Variants in ALPL observed in about 807,000 individuals in gnomAD.
ALPL encodes alkaline phosphatase, biomineralization associated.
ALPL carries 42 observed loss-of-function variants against 51.3 expected under a neutral mutation model. The ratio of observed to expected loss-of-function variants is 0.82; its 90% CI spans 0.64 to 1.06. The LOEUF is 1.06. ALPL is among the 50% of genes least tolerant of loss of function. The probability of loss-of-function intolerance (pLI) is 0.00; values close to 1 mark genes in which losing one functional copy is unlikely to be tolerated. For missense variants in ALPL, 589 were observed against 709.4 expected (o/e 0.83, Z 1.93); for synonymous variants, 279 against 296.4 (o/e 0.94, Z 0.60).
intron 1 of ALPL, among the ~76,000 whole-genome samples, chr1:21,530,777 A>AT (rs71016918): frequency 0.06 from 6,746 of 111,858 alleles, 395 homozygotes; most frequent in African/African-American, 0.12. Context: ...CAAGCTTTGA[A>AT]TTTTTTTTTT....
At chr1:21,551,719 G>GTTT (rs397861981) in intron 1 of ALPL, among the ~76,000 whole-genome samples, 754 of 61,424 alleles carry the variant, frequency 0.012, 165 homozygotes, top group African/African-American at 0.032. Flanking sequence ...AGCTTGCGTG[G>GTTT]TTTTTTTTTT....
intron 1 of ALPL, among the ~76,000 whole-genome samples, chr1:21,545,877 A>G (rs368341261): frequency 1.3e-5 from 2 of 152,006 alleles, no homozygotes; most frequent in African/African-American, 4.8e-5. Flanking sequence ...GTACAGTGGC[A>G]CGATCTCAGC....
chr1:21,520,618 C>T (rs138293109), intron 1 of ALPL, among the ~76,000 whole-genome samples: 8,150 of 151,954 alleles, frequency 0.054, 294 homozygotes, highest in Non-Finnish European at 0.083. Flanking sequence ...TGTGCCACCA[C>T]GCCCGGCTAA....
chr1:21,562,626 C>T (rs1317567670), intron 4 of ALPL, among the ~76,000 whole-genome samples: 8 of 152,048 alleles, frequency 5.3e-5, no homozygotes, highest in Non-Finnish European at 1.0e-4. Context: ...TGATGGTGGC[C>T]GCAGGGCAGG....
At chr1:21,577,178 G>C (rs1204070916) in intron 11 of ALPL, among the ~76,000 whole-genome samples, 2 of 152,184 alleles carry the variant, frequency 1.3e-5, no homozygotes, top group Admixed American at 1.3e-4. Flanking sequence ...CTCTGTTGGG[G>C]GTTGAGAATG....
intron 1 of ALPL, among the ~76,000 whole-genome samples, chr1:21,534,893 C>G (rs1212669002): frequency 6.6e-6 from 1 of 152,140 alleles, no homozygotes; most frequent in East Asian, 1.9e-4. Context: ...CTTGGTGAGA[C>G]CTTCTCTGAT....
rs1644469640 is a variant in ALPL at position 21,560,645 on chromosome 1, G to C, written c.81G>C (p.Lys27Asn). Residue 27 changes from lysine (K) to asparagine (N), a missense_variant, in exon 3 of 12, where the codon AAG (lysine) becomes AAC (asparagine). By Grantham distance (94) the Lys-to-Asn change is moderately conservative. Transcript: ENST00000374840. ...SLVPEKEKDP[K>N]YWRDQAQETL... ...GTTTAGAGAAAGAGAAAGACCCCAAGTACTGGCGAGACCAAGCGCAAGAGA... is the reference window on the plus strand; with the variant it reads ...GTTTAGAGAAAGAGAAAGACCCCAACTACTGGCGAGACCAAGCGCAAGAGA... 3 of 1,614,038 alleles carry C rather than the reference G, an allele frequency of 1.9e-6. No individual in the cohort carries two copies. The African/African-American group carries it at 4.0e-5, about 22-fold the overall frequency.
chr1:21,530,514 C>T lies in ALPL; in HGVS notation c.-105+20997C>T, dbSNP rs111874326. Among the ~76,000 whole-genome samples, 1,022 of 152,290 alleles carry T rather than the reference C, an allele frequency of 6.7e-3. 11 individuals carry two copies. Among genetic ancestry groups the T allele is most frequent in the African/African-American group, 0.023 (953 of 41,554 alleles). ...GACGACATTGCCAGGACGGGAATCC[C>T]TGGACATCAGAACCACTTGGTTTCT... On this transcript the variant is annotated intron_variant, in intron 1 of 11. Transcript: ENST00000374840.
chr1:21,529,729 T>C (rs1481372128), intron 1 of ALPL, among the ~76,000 whole-genome samples: 1 of 152,188 alleles, frequency 6.6e-6, no homozygotes, highest in Non-Finnish European at 1.5e-5. Context: ...TGCTCATTTC[T>C]TTTGCATGTT....
At chr1:21,553,218 T>G (rs1481966402) in intron 1 of ALPL, among the ~76,000 whole-genome samples, 5 of 151,850 alleles carry the variant, frequency 3.3e-5, no homozygotes, top group Admixed American at 3.3e-4. Context: ...TTAAAAATTG[T>G]AAAGATAATA....
intron 1 of ALPL, among the ~76,000 whole-genome samples, chr1:21,549,416 C>G (rs535228548): frequency 6.6e-6 from 1 of 152,268 alleles, no homozygotes; most frequent in South Asian, 2.1e-4. Context: ...TGATTGTCTC[C>G]ACCTCACGCC....
intron 1 of ALPL, among the ~76,000 whole-genome samples, chr1:21,512,924 T>C (rs1643719846): frequency 6.6e-6 from 1 of 152,138 alleles, no homozygotes; most frequent in South Asian, 2.1e-4. Context: ...AAACCAGATG[T>C]GCTTTTGTTT....
chr1:21,515,415 G>A (rs1295949254), intron 1 of ALPL, among the ~76,000 whole-genome samples: 2 of 152,088 alleles, frequency 1.3e-5, no homozygotes, highest in Admixed American at 6.5e-5. Flanking sequence ...TTTAGACTGA[G>A]TATCGCTCTG....
At chr1:21,573,992 C>T (rs1404580314) in intron 9 of ALPL, 193 bp downstream of exon 9, 1 of 985,312 alleles carries the variant, frequency 1.0e-6, no homozygotes, top group East Asian at 1.1e-4. Context: ...CTCCTTTGGG[C>T]ATGGAGATGC....
At chr1:21,540,854 T>C (rs1434465913) in intron 1 of ALPL, among the ~76,000 whole-genome samples, 1 of 152,274 alleles carries the variant, frequency 6.6e-6, no homozygotes, top group East Asian at 1.9e-4. Context: ...CCCTTCAAGA[T>C]GGAAAGGAAG....
At chr1:21,552,204 A>G (rs1265441360) in intron 1 of ALPL, among the ~76,000 whole-genome samples, 1 of 141,278 alleles carries the variant, frequency 7.1e-6, no homozygotes, top group Non-Finnish European at 1.5e-5. Flanking sequence ...AAAATCTTGG[A>G]TGGGCGCGGC....
intron 1 of ALPL, among the ~76,000 whole-genome samples, chr1:21,541,343 G>C (rs1185002208): frequency 6.6e-6 from 1 of 152,268 alleles, no homozygotes; most frequent in African/African-American, 2.4e-5. Context: ...TCTATTAGGT[G>C]TGGAGGGGTG....
At chr1:21,562,487 C>T (rs1160589280) in intron 4 of ALPL, among the ~76,000 whole-genome samples, 1 of 152,148 alleles carries the variant, frequency 6.6e-6, no homozygotes, top group Non-Finnish European at 1.5e-5. Flanking sequence ...GCCCCAGGCT[C>T]ACTTCTGGGG....
chr1:21,570,325 C>T lies in ALPL; in HGVS notation c.813C>T (p.Asn271=). Residue 271 remains asparagine, a synonymous_variant, in exon 8 of 12, where the codon AAC becomes AAT. Transcript: ENST00000374840. ...CCTAGCACTCCCACTTCATCTGGAACCGCACGGAACTCCTGACCCTTGACC... is the reference window on the plus strand; with the variant it reads ...CCTAGCACTCCCACTTCATCTGGAATCGCACGGAACTCCTGACCCTTGACC... ...PRYKHSHFIW[N]RTELLTLDPH... The T allele has an allele frequency of 6.2e-7, 1 of 1,614,162 alleles. No individual in the cohort carries two copies. Among genetic ancestry groups the T allele is most frequent in the Non-Finnish European group, 8.5e-7 (1 of 1,180,016 alleles).
Sources: allele counts gnomAD v4.1 joint callset (sites outside exome capture counted in the v4.1 genomes callset), GRCh38; gene constraint gnomAD v4.1.1; transcripts MANE v1.5; gene names NCBI Gene and HGNC (gene_info 2026-07-23, HGNC 2026-07-21).